The following NRG3 variants were observed in gnomAD, a reference collection of about 807,000 sequenced individuals.
NRG3 encodes the protein neuregulin 3.
In NRG3, 31 loss-of-function variants were observed where a neutral mutation model predicts 66.9. The observed-to-expected ratio is 0.46, with a 90% CI of 0.35 to 0.63. The LOEUF (loss-of-function observed/expected upper bound fraction) is 0.63, where lower values mean the gene tolerates loss of function less well. Among genes scored for constraint, NRG3 ranks in the 20% least tolerant of loss-of-function variants. The pLI is 0.00. For missense variants in NRG3, 910 were observed against 878.9 expected (o/e 1.04, Z -0.45); for synonymous variants, 393 against 359.4 (o/e 1.09, Z -1.06).
rs886696071 is a variant in NRG3 at position 82,461,442 on chromosome 10, C to T, written c.953+102574C>T. Among the ~76,000 whole-genome samples the T allele has an allele frequency of 2.6e-5, 4 of 152,302 alleles. No homozygotes were observed. In the East Asian group the frequency reaches 7.7e-4, roughly 29 times the overall value. On this transcript the variant is annotated intron_variant, in intron 2 of 8. Transcript: ENST00000372141. The stretch of plus-strand genomic sequence containing the variant: ...TCTGGGACATTTTTTCTGTTTCTGG[C>T]TCAGACTTGCACATCCCTCCTATTT...
chr10:82,246,028 G>A lies in NRG3; in HGVS notation c.824-112711G>A, dbSNP rs1490162997. On this transcript the variant is annotated intron_variant, in intron 1 of 8. Transcript: ENST00000372141. ...ACTCAACATATATTGTGAAACACTC[G>A]GGTATTTATTCCTCAGGAAAGTATG... is the stretch of plus-strand genomic sequence containing the variant. 4.4e-5 allele frequency among the ~76,000 whole-genome samples: 6 copies of A among 136,734 alleles called. 1 individual carries two copies. Among genetic ancestry groups the A allele is most frequent in the Admixed American group, 3.9e-4 (5 of 12,766 alleles). The allele number at this position is 136,734 out of a possible 152,430, so 89.7% of individuals were successfully genotyped here.
At chr10:82,932,986 C>T (rs543513074) in intron 4 of NRG3, among the ~76,000 whole-genome samples, 1 of 152,102 alleles carries the variant, frequency 6.6e-6, no homozygotes, top group East Asian at 1.9e-4. Context: ...TCTTCTTTCC[C>T]TTCTTCTCTC....
chr10:82,376,636 C>T (rs1346657650), intron 2 of NRG3, among the ~76,000 whole-genome samples: 1 of 152,148 alleles, frequency 6.6e-6, no homozygotes, highest in African/African-American at 2.4e-5. Context: ...CCAATGCTAC[C>T]ACTAACACCG....
chr10:82,598,607 T>C (rs2047426313), intron 2 of NRG3, among the ~76,000 whole-genome samples: 1 of 152,164 alleles, frequency 6.6e-6, no homozygotes. Context: ...CATGGAGGGA[T>C]AGAAGGATGG....
intron 1 of NRG3, among the ~76,000 whole-genome samples, chr10:82,135,792 CTCTG>C (rs2069298579): frequency 6.6e-6 from 1 of 152,028 alleles, no homozygotes; most frequent in Admixed American, 6.6e-5. Flanking sequence ...ATTTTGAATT[CTCTG>C]TCTGAAATGT....
At chr10:81,941,202 G>A (rs1204106485) in intron 1 of NRG3, among the ~76,000 whole-genome samples, 2 of 152,014 alleles carry the variant, frequency 1.3e-5, no homozygotes, top group African/African-American at 4.8e-5. Flanking sequence ...ATTTTTACTT[G>A]TGACGACCAG....
intron 2 of NRG3, among the ~76,000 whole-genome samples, chr10:82,656,913 A>C (rs997142774): frequency 6.6e-6 from 1 of 152,042 alleles, no homozygotes; most frequent in Non-Finnish European, 1.5e-5. Context: ...CACCTTGCCA[A>C]CCTATGTGGC....
At chr10:82,403,069 C>T (rs2087226932) in intron 2 of NRG3, among the ~76,000 whole-genome samples, 1 of 152,130 alleles carries the variant, frequency 6.6e-6, no homozygotes. Context: ...TAATGTACAA[C>T]CACAGAAAAG....
At chr10:82,818,498 G>A (rs1197255824) in intron 3 of NRG3, among the ~76,000 whole-genome samples, 1 of 152,170 alleles carries the variant, frequency 6.6e-6, no homozygotes, top group Non-Finnish European at 1.5e-5. Context: ...TTAGACACCT[G>A]GGCCATGACT....
At chr10:82,231,302 T>C (rs2076447383) in intron 1 of NRG3, among the ~76,000 whole-genome samples, 1 of 151,650 alleles carries the variant, frequency 6.6e-6, no homozygotes, top group Non-Finnish European at 1.5e-5. Context: ...TGAGCCATGA[T>C]TGTGCCATTG....
At chr10:81,900,882 A>C (rs1844001163) in intron 1 of NRG3, among the ~76,000 whole-genome samples, 1 of 152,042 alleles carries the variant, frequency 6.6e-6, no homozygotes, top group Admixed American at 6.5e-5. Flanking sequence ...TAGAAAGTAA[A>C]ACATTTTAAA....
intron 1 of NRG3, among the ~76,000 whole-genome samples, chr10:81,894,106 C>T (rs373630967): frequency 1.3e-5 from 2 of 151,996 alleles, no homozygotes; most frequent in African/African-American, 2.4e-5. Flanking sequence ...TTTGGGAGAC[C>T]GAGGCAGGCA....
chr10:82,845,754 A>G (rs79386465), intron 3 of NRG3, among the ~76,000 whole-genome samples: 152 of 152,346 alleles, frequency 1.0e-3, no homozygotes, highest in African/African-American at 3.6e-3. Context: ...AAATGAAAAG[A>G]TACAACACAG....
At chr10:82,067,951 C>T (rs1033120403) in intron 1 of NRG3, among the ~76,000 whole-genome samples, 1 of 152,122 alleles carries the variant, frequency 6.6e-6, no homozygotes, top group African/African-American at 2.4e-5. Context: ...CAATTTATGT[C>T]AGTATTCATC....
intron 1 of NRG3, among the ~76,000 whole-genome samples, chr10:82,227,791 C>G (rs2076243621): frequency 6.6e-6 from 1 of 152,066 alleles, no homozygotes; most frequent in Non-Finnish European, 1.5e-5. Flanking sequence ...AGCCTTTTAC[C>G]CTTTCCACTT....
chr10:82,647,768 T>G (rs1334052020), intron 2 of NRG3, among the ~76,000 whole-genome samples: 23 of 152,168 alleles, frequency 1.5e-4, no homozygotes, highest in Non-Finnish European at 7.3e-5. Flanking sequence ...TGGTGAGCAT[T>G]TTTTCATGTG....
intron 1 of NRG3, among the ~76,000 whole-genome samples, chr10:81,925,212 G>A (rs1434140747): frequency 6.6e-6 from 1 of 152,198 alleles, no homozygotes; most frequent in African/African-American, 2.4e-5. Context: ...TGACAAGCAT[G>A]CAGCCATGGG....
chr10:82,970,900 T>C (rs553560191), intron 6 of NRG3, among the ~76,000 whole-genome samples: 7 of 152,258 alleles, frequency 4.6e-5, no homozygotes, highest in Non-Finnish European at 1.0e-4. Flanking sequence ...GTTTGCCTTG[T>C]TATAAAGCAA....
chr10:82,232,291 T>A (rs1016137965), intron 1 of NRG3: 4 of 154,784 alleles, frequency 2.6e-5, no homozygotes, highest in African/African-American at 9.6e-5. Flanking sequence ...TAACGTCTTA[T>A]GATGCAAGAA....
Sources: allele counts gnomAD v4.1 joint callset (sites outside exome capture counted in the v4.1 genomes callset), GRCh38; gene constraint gnomAD v4.1.1; transcripts MANE v1.5; gene names NCBI Gene and HGNC (gene_info 2026-07-23, HGNC 2026-07-21).